The following HECW1 variants were observed in gnomAD, a reference collection of about 807,000 sequenced individuals.
HECW1 encodes the protein HECT, C2 and WW domain containing E3 ubiquitin protein ligase 1.
A neutral mutation model predicts 182.3 loss-of-function variants in HECW1; 61 were observed. The observed-to-expected ratio is 0.33, with a 90% confidence interval of 0.27 to 0.41. The LOEUF is 0.41. Ranked by LOEUF, HECW1 falls within the 10% of genes least tolerant of loss-of-function variation. The pLI, the probability that HECW1 is intolerant of heterozygous loss-of-function variation, is 1.00. For synonymous variants in HECW1, 859 were observed against 832.6 expected (o/e 1.03, Z -0.55); for missense variants, 1,739 against 2,108.9 (o/e 0.82, Z 3.44).
At chr7:43,489,553 T>C (rs569254729) in intron 17 of HECW1, among the ~76,000 whole-genome samples, 6 of 152,324 alleles carry the variant, frequency 3.9e-5, no homozygotes, top group Admixed American at 3.9e-4. Flanking sequence ...TGAGATCTAA[T>C]GACATCAAAG....
intron 2 of HECW1, among the ~76,000 whole-genome samples, chr7:43,234,206 G>C (rs1271880628): frequency 6.6e-6 from 1 of 151,950 alleles, no homozygotes; most frequent in Admixed American, 6.5e-5. Flanking sequence ...TCACACCACC[G>C]TGTCTGGCCT....
intron 2 of HECW1, among the ~76,000 whole-genome samples, chr7:43,238,675 T>C (rs1798601449): frequency 6.6e-6 from 1 of 152,018 alleles, no homozygotes; most frequent in Non-Finnish European, 1.5e-5. Flanking sequence ...TATGAATGAA[T>C]GAAAATGAAA....
In HECW1 at chr7:43,264,792, C is replaced by G. The variant is rs184776860; in HGVS notation, c.27+20860C>G. The stretch of plus-strand genomic sequence containing the variant: ...CCAGGAGGCGGAGCTTGCAGTGAGC[C>G]GAGATCGCACCACTGCACTCCAGCC... On this transcript the variant is annotated intron_variant, in intron 3 of 29. Coordinates refer to ENST00000395891, the MANE Select transcript of HECW1 (RefSeq NM_015052.5). Among the ~76,000 whole-genome samples, 863 of 148,208 alleles carry G rather than the reference C, an allele frequency of 5.8e-3. 6 individuals carry two copies. Among genetic ancestry groups the G allele is most frequent in the African/African-American group, 0.019 (774 of 39,978 alleles).
chr7:43,525,947 T>C (rs539059910), intron 24 of HECW1, among the ~76,000 whole-genome samples: 4 of 152,352 alleles, frequency 2.6e-5, no homozygotes, highest in Non-Finnish European at 5.9e-5. Context: ...TTTCTCTTTA[T>C]AGTCTAATTT....
intron 2 of HECW1, among the ~76,000 whole-genome samples, chr7:43,137,977 A>G (rs943181348): frequency 6.6e-6 from 1 of 151,996 alleles, no homozygotes; most frequent in Non-Finnish European, 1.5e-5. Flanking sequence ...TATATACTGA[A>G]TAAGAGACAT....
At chr7:43,478,198 C>G (rs1299387759) in intron 16 of HECW1, among the ~76,000 whole-genome samples, 1 of 152,160 alleles carries the variant, frequency 6.6e-6, no homozygotes, top group Non-Finnish European at 1.5e-5. Context: ...GGGCAGATCA[C>G]CTGAGGTCAG....
At chr7:43,377,294 C>T (rs1258356981) in intron 6 of HECW1, among the ~76,000 whole-genome samples, 3 of 152,148 alleles carry the variant, frequency 2.0e-5, no homozygotes, top group South Asian at 4.1e-4. Flanking sequence ...AAGTTCAGGT[C>T]GATGAACAAA....
At chr7:43,364,772 G>A (rs768568530) in intron 6 of HECW1, among the ~76,000 whole-genome samples, 1 of 152,196 alleles carries the variant, frequency 6.6e-6, no homozygotes, top group Non-Finnish European at 1.5e-5. Flanking sequence ...CATACTTTTT[G>A]TGTCTTATTA....
chr7:43,486,506 T>G (rs2078649222), intron 17 of HECW1, among the ~76,000 whole-genome samples: 1 of 152,240 alleles, frequency 6.6e-6, no homozygotes, highest in Non-Finnish European at 1.5e-5. Flanking sequence ...TTTCACCGTG[T>G]TGGCCAGGCT....
At chr7:43,510,871 G>A (rs1005837130) in intron 24 of HECW1, 1 of 152,208 alleles carries the variant, frequency 6.6e-6, no homozygotes, top group Non-Finnish European at 1.5e-5. Context: ...GGCCTGATGG[G>A]AAGCACAGAA....
intron 3 of HECW1, among the ~76,000 whole-genome samples, chr7:43,307,602 C>T (rs1218144625): frequency 6.6e-6 from 1 of 152,126 alleles, no homozygotes; most frequent in East Asian, 1.9e-4. Flanking sequence ...CTATCTCCCA[C>T]AGTTCAGATG....
intron 18 of HECW1, 76 bp from the exon 19 acceptor site, chr7:43,493,008 C>A: frequency 1.1e-6 from 1 of 935,742 alleles, no homozygotes; most frequent in Non-Finnish European, 1.6e-6. Context: ...TGGTATCAAG[C>A]AGCCATTTTC....
chr7:43,508,895 A>G (rs1031574093), intron 23 of HECW1, 74 bp from the exon 24 acceptor site: 7 of 1,517,104 alleles, frequency 4.6e-6, no homozygotes, highest in Admixed American at 1.8e-5. Flanking sequence ...AGGGCACACT[A>G]GAATCTGGGT....
intron 3 of HECW1, among the ~76,000 whole-genome samples, chr7:43,275,094 T>C (rs1296771532): frequency 6.6e-6 from 1 of 152,140 alleles, no homozygotes; most frequent in Non-Finnish European, 1.5e-5. Flanking sequence ...CAGAAATTGG[T>C]GCAAGGAATA....
intron 2 of HECW1, among the ~76,000 whole-genome samples, chr7:43,124,844 CAACTT>C (rs769636140): frequency 1.3e-5 from 2 of 152,120 alleles, no homozygotes; most frequent in Non-Finnish European, 2.9e-5. Flanking sequence ...TTTTCTCACT[CAACTT>C]AATGATTTTA....
intron 6 of HECW1, among the ~76,000 whole-genome samples, chr7:43,391,543 C>T (rs1363561671): frequency 6.6e-6 from 1 of 152,184 alleles, no homozygotes; most frequent in African/African-American, 2.4e-5. Context: ...GTTGCTTTCC[C>T]CAGCCCCTTT....
intron 3 of HECW1, among the ~76,000 whole-genome samples, chr7:43,302,935 A>G (rs1481914408): frequency 1.5e-5 from 2 of 130,638 alleles, no homozygotes; most frequent in African/African-American, 6.1e-5. Flanking sequence ...ACACCCACAC[A>G]CGTGCACACA....
chr7:43,267,486 T>C (rs1801925199), intron 3 of HECW1, among the ~76,000 whole-genome samples: 1 of 152,016 alleles, frequency 6.6e-6, no homozygotes, highest in South Asian at 2.1e-4. Flanking sequence ...CTGTATGTTT[T>C]TATTATTTAA....
intron 24 of HECW1, among the ~76,000 whole-genome samples, chr7:43,537,803 G>T (rs1211897457): frequency 2.7e-5 from 4 of 150,580 alleles, no homozygotes; most frequent in African/African-American, 9.8e-5. Context: ...TTTTAAAAAA[G>T]CTATGGCTTG....
Sources: gnomAD v4.1 joint callset for allele counts (sites outside exome capture counted in the v4.1 genomes callset) on GRCh38, gnomAD v4.1.1 for gene constraint, MANE v1.5 for transcripts, NCBI Gene and HGNC (gene_info 2026-07-23, HGNC 2026-07-21) for gene names.